Variants in ATP9B observed in about 807,000 individuals in gnomAD.
ATP9B encodes probable phospholipid-transporting ATPase IIB.
Under a neutral mutation model 146.1 loss-of-function variants are expected in ATP9B, and 110 were observed. That is an observed-to-expected ratio of 0.75 (90% CI 0.65 to 0.88). The LOEUF is 0.88. Ranked by LOEUF, ATP9B falls within the 40% of genes least tolerant of loss-of-function variation. The pLI is 0.00. For missense variants in ATP9B, 1,499 were observed against 1,496.4 expected, an observed-to-expected ratio of 1.00 and a Z score of -0.03; for synonymous variants, 604 against 569.7, an observed-to-expected ratio of 1.06 and a Z score of -0.86.
chr18:79,288,408 C>G (rs2096466194), intron 13 of ATP9B, among the ~76,000 whole-genome samples: 1 of 152,090 alleles, frequency 6.6e-6, no homozygotes, highest in Admixed American at 6.5e-5. Context: ...GGTTTAAAGT[C>G]TGTTTTATCA....
At chr18:79,077,886 A>G (rs1444554882) in intron 1 of ATP9B, 1 of 152,222 alleles carries the variant, frequency 6.6e-6, no homozygotes, top group Non-Finnish European at 1.5e-5. Context: ...TGCTCAGCAT[A>G]TCTGAGTATC....
intron 11 of ATP9B, among the ~76,000 whole-genome samples, chr18:79,214,593 C>G (rs1415321754): frequency 6.6e-6 from 1 of 152,166 alleles, no homozygotes; most frequent in Non-Finnish European, 1.5e-5. Context: ...AACAAAAAGT[C>G]TGAATCCTCA....
At position 79,367,853 on chromosome 18, in the gene ATP9B, C is replaced by T. The variant is rs180883560; in HGVS notation, c.3013-4972C>T. 6.6e-5 allele frequency among the ~76,000 whole-genome samples: 10 copies of T among 152,346 alleles called. No individual in the cohort carries two copies. The East Asian group carries it at 1.7e-3, about 26-fold the overall frequency. Reference sequence around the variant, plus strand: ...CAAGGGCATTCCAAAAAGACATGTCCGGAGCTTTGAGGAGCAGCCAGGTCA... The same window carrying T: ...CAAGGGCATTCCAAAAAGACATGTCTGGAGCTTTGAGGAGCAGCCAGGTCA... On this transcript the variant is annotated intron_variant, in intron 26 of 29. Coordinates refer to ENST00000426216, the MANE Select transcript of ATP9B (RefSeq NM_198531.5).
chr18:79,069,815 G>C (rs1476360498), intron 1 of ATP9B, among the ~76,000 whole-genome samples: 6 of 152,242 alleles, frequency 3.9e-5, no homozygotes, highest in African/African-American at 9.6e-5. Context: ...TTGAGGGGTG[G>C]CTGCTCTCCT....
At chr18:79,253,085 C>T (rs1169398034) in intron 11 of ATP9B, among the ~76,000 whole-genome samples, 3 of 152,206 alleles carry the variant, frequency 2.0e-5, no homozygotes, top group Non-Finnish European at 1.5e-5. Flanking sequence ...TCTAGGCTTG[C>T]GTTTCACTTT....
chr18:79,170,163 G>A (rs760653724), intron 7 of ATP9B, among the ~76,000 whole-genome samples: 14 of 152,172 alleles, frequency 9.2e-5, no homozygotes, highest in Non-Finnish European at 1.8e-4. Flanking sequence ...GCAGCCGGCC[G>A]GTAACTTTCA....
chr18:79,233,414 C>T lies in ATP9B; in HGVS notation c.1107+19376C>T, dbSNP rs1005487226. On this transcript the variant is annotated intron_variant, in intron 11 of 29. Transcript: ENST00000426216. ...CACTAGACCACAAATCCATGAAGCT[C>T]AGAGGACACCAAGCTGGTTAAATGC... Among the ~76,000 whole-genome samples, 5 of 152,300 alleles carry T rather than the reference C, an allele frequency of 3.3e-5. No homozygotes were observed. The South Asian group carries it at 1.0e-3, about 32-fold the overall frequency.
At position 79,304,307 on chromosome 18, in the gene ATP9B, G is replaced by A. The variant is rs754522039; in HGVS notation, c.1524+591G>A. Among the ~76,000 whole-genome samples the A allele has an allele frequency of 1.6e-4, 25 of 152,050 alleles. 1 individual carries two copies. Among genetic ancestry groups the A allele is most frequent in the Admixed American group, 1.2e-3 (19 of 15,246 alleles). On this transcript the variant is annotated intron_variant, in intron 14 of 29. Transcript: ENST00000426216. ...CTAATTGATAAGGACTCTGCCTTTC[G>A]TTGGGGCCAAAGCTCCCTAAAGTTC...
At chr18:79,094,475 GAA>G (rs1275760216) in intron 1 of ATP9B, among the ~76,000 whole-genome samples, 3 of 152,190 alleles carry the variant, frequency 2.0e-5, no homozygotes, top group Non-Finnish European at 4.4e-5. Flanking sequence ...AAAGTTGTGT[GAA>G]AAGAGAGAAC....
chr18:79,084,007 T>A (rs2073553221), intron 1 of ATP9B, among the ~76,000 whole-genome samples: 1 of 151,888 alleles, frequency 6.6e-6, no homozygotes, highest in Non-Finnish European at 1.5e-5. Context: ...TACAGGCACG[T>A]GCCACCATGC....
chr18:79,290,872 T>A (rs566668935), intron 13 of ATP9B, among the ~76,000 whole-genome samples: 121 of 152,358 alleles, frequency 7.9e-4, no homozygotes, highest in African/African-American at 2.8e-3. Context: ...AGTTTATTGC[T>A]CTAGGTGCGT....
chr18:79,345,452 G>GA lies in ATP9B; in HGVS notation c.2499dup (p.Phe834IlefsTer41), dbSNP rs2096881011. The GA allele has an allele frequency of 6.2e-7, 1 of 1,614,050 alleles. No homozygotes were observed. The highest frequency in any genetic ancestry group is 2.2e-5 in the East Asian group (1 of 44,882). ...GGTTTGTCTAAAGTACTACGAGCAT[G>GA]AATTTGTGGAGCTGGCCTGCCAGTG... On this transcript the variant is annotated frameshift_variant, in exon 22 of 30. Coordinates refer to ENST00000426216, the MANE Select transcript of ATP9B (RefSeq NM_198531.5). LOFTEE classifies it high-confidence loss of function.
intron 1 of ATP9B, among the ~76,000 whole-genome samples, chr18:79,091,577 A>C (rs1425571779): frequency 1.3e-5 from 2 of 152,090 alleles, no homozygotes. Context: ...TTTCTTTTTC[A>C]CAGTGTTTAC....
At chr18:79,232,585 C>G (rs1405457234) in intron 11 of ATP9B, among the ~76,000 whole-genome samples, 1 of 152,140 alleles carries the variant, frequency 6.6e-6, no homozygotes, top group East Asian at 1.9e-4. Context: ...ACAGACATTC[C>G]AAGATATGCT....
intron 26 of ATP9B, chr18:79,363,214 T>G (rs577775138): frequency 6.6e-6 from 1 of 152,264 alleles, no homozygotes; most frequent in Non-Finnish European, 1.5e-5. Context: ...TAATTGGGGT[T>G]TGAAAAAATT....
At chr18:79,302,654 C>T (rs915944731) in intron 13 of ATP9B, among the ~76,000 whole-genome samples, 9 of 152,136 alleles carry the variant, frequency 5.9e-5, no homozygotes, top group African/African-American at 1.9e-4. Flanking sequence ...GGCAGTCCTC[C>T]TAAGGGAGGA....
At chr18:79,139,525 T>C (rs1200820728) in intron 5 of ATP9B, among the ~76,000 whole-genome samples, 1 of 152,224 alleles carries the variant, frequency 6.6e-6, no homozygotes, top group Non-Finnish European at 1.5e-5. Context: ...TTATTTTGTT[T>C]TCATTTTTAT....
At chr18:79,147,172 TACTC>T in intron 6 of ATP9B, among the ~76,000 whole-genome samples, 1 of 152,348 alleles carries the variant, frequency 6.6e-6, no homozygotes, top group Middle Eastern at 3.4e-3. Context: ...CATAAATTGT[TACTC>T]ACCAAACAAC....
At position 79,084,537 on chromosome 18, in the gene ATP9B, TAAA is replaced by T. The variant is rs11311887; in HGVS notation, c.120-11927_120-11925del. Among the ~76,000 whole-genome samples the T allele has an allele frequency of 1.3e-3, 173 of 137,290 alleles. 1 individual carries two copies. The highest frequency in any genetic ancestry group is 7.8e-3 in the Middle Eastern group (2 of 258). 90.1% of individuals were successfully genotyped at this position (137,290 alleles called of 152,430 possible). ...TGTGTGCTATATAATAGAGTAAAAGTAAAAAAAAAAAAAATGTAAGCGTATTGT... is the reference window on the plus strand; with the variant it reads ...TGTGTGCTATATAATAGAGTAAAAGTAAAAAAAAAAATGTAAGCGTATTGT... On this transcript the variant is annotated intron_variant, in intron 1 of 29. Transcript: ENST00000426216.
Sources: gnomAD v4.1 joint callset for allele counts (sites outside exome capture counted in the v4.1 genomes callset) on GRCh38, gnomAD v4.1.1 for gene constraint, MANE v1.5 for transcripts, NCBI Gene and HGNC (gene_info 2026-07-23, HGNC 2026-07-21) for gene names.